The following RUNX2 variants were observed in gnomAD, a reference collection of about 807,000 sequenced individuals.
The protein encoded by RUNX2 is RUNX family transcription factor 2, also known as runt-related transcription factor 2.
RUNX2 carries 10 observed loss-of-function variants against 51.7 expected under a neutral mutation model. That is an observed-to-expected ratio of 0.19 (90% CI 0.12 to 0.33). The LOEUF is 0.33. Ranked by LOEUF, RUNX2 falls within the 10% of genes least tolerant of loss-of-function variation. RUNX2 has a pLI of 1.00. For synonymous variants in RUNX2, 276 were observed against 273.6 expected, an observed-to-expected ratio of 1.01 and a Z score of -0.09; for missense variants, 562 against 691.3, an observed-to-expected ratio of 0.81 and a Z score of 2.10.
chr6:45,472,840 G>T (rs1799845459), intron 5 of RUNX2, among the ~76,000 whole-genome samples: 1 of 152,178 alleles, frequency 6.6e-6, no homozygotes, highest in African/African-American at 2.4e-5. Context: ...AGAAAGCAAA[G>T]ATCTTATGGG....
In RUNX2 at chr6:45,479,779, T is replaced by C. The variant is rs556867947; in HGVS notation, c.686-12162T>C. Among the ~76,000 whole-genome samples the C allele has an allele frequency of 5.8e-4, 88 of 152,336 alleles. 1 individual carries two copies. Among genetic ancestry groups the C allele is most frequent in the Admixed American group, 3.7e-3 (56 of 15,304 alleles). ...ATGTAATCGCTCGAAGGATGTTTTT[T>C]AATATTAACCCACACCAACCTGCTT... On this transcript the variant is annotated intron_variant, in intron 5 of 8. Transcript: ENST00000647337.
intron 5 of RUNX2, among the ~76,000 whole-genome samples, chr6:45,463,587 G>A (rs1337203361): frequency 2.0e-5 from 3 of 152,098 alleles, no homozygotes; most frequent in African/African-American, 7.2e-5. Flanking sequence ...ATAATGTAAA[G>A]CAAAGAAATC....
At chr6:45,343,081 AC>A (rs1246498217) in intron 2 of RUNX2, among the ~76,000 whole-genome samples, 1 of 152,208 alleles carries the variant, frequency 6.6e-6, no homozygotes, top group African/African-American at 2.4e-5. Flanking sequence ...AAGTGTCTAC[AC>A]TGATCTGACA....
chr6:45,471,599 C>A (rs1799806122), intron 5 of RUNX2, among the ~76,000 whole-genome samples: 1 of 152,026 alleles, frequency 6.6e-6, no homozygotes, highest in Non-Finnish European at 1.5e-5. Flanking sequence ...CGCCCACCAC[C>A]ACGCCCAGCT....
In RUNX2 at chr6:45,527,646, A is replaced by T. The variant is rs867872443; in HGVS notation, c.1021+15239A>T. On this transcript the variant is annotated intron_variant, in intron 7 of 8. Coordinates refer to ENST00000647337, the MANE Select transcript of RUNX2 (RefSeq NM_001024630.4). ...TACACCCTAAGTGAAGTGGTAATTC[A>T]GGAGTTACTTGATTTATTAAACAAA... Among the ~76,000 whole-genome samples the T allele has an allele frequency of 2.0e-5, 3 of 152,254 alleles. No individual in the cohort carries two copies. In the South Asian group the frequency reaches 6.2e-4, roughly 31 times the overall value.
intron 3 of RUNX2, among the ~76,000 whole-genome samples, chr6:45,424,332 G>C (rs141235123): frequency 6.6e-6 from 1 of 152,370 alleles, no homozygotes; most frequent in Non-Finnish European, 1.5e-5. Context: ...TGGGTTGATG[G>C]GGAAACGGGT....
chr6:45,505,459 A>T (rs7768227), intron 6 of RUNX2, among the ~76,000 whole-genome samples: 171 of 149,444 alleles, frequency 1.1e-3, no homozygotes, highest in African/African-American at 4.1e-3. Flanking sequence ...CTTTTTAGTC[A>T]TTTGAAAGTA....
chr6:45,445,543 C>T (rs913180312), intron 5 of RUNX2, among the ~76,000 whole-genome samples: 1 of 152,124 alleles, frequency 6.6e-6, no homozygotes, highest in Non-Finnish European at 1.5e-5. Context: ...GGTTTTAGTC[C>T]TTAGCACAAA....
At chr6:45,407,237 G>A (rs1797855409) in intron 2 of RUNX2, among the ~76,000 whole-genome samples, 1 of 151,890 alleles carries the variant, frequency 6.6e-6, no homozygotes, top group Non-Finnish European at 1.5e-5. Flanking sequence ...CCAAGTAGCT[G>A]GCACCACAGG....
chr6:45,495,843 C>G (rs1282742805), intron 6 of RUNX2, among the ~76,000 whole-genome samples: 1 of 152,214 alleles, frequency 6.6e-6, no homozygotes, highest in Non-Finnish European at 1.5e-5. Context: ...AGGACCAAAA[C>G]TTCTAGCCAT....
At chr6:45,346,967 G>A (rs191458740) in intron 2 of RUNX2, among the ~76,000 whole-genome samples, 3 of 152,232 alleles carry the variant, frequency 2.0e-5, no homozygotes, top group East Asian at 1.9e-4. Flanking sequence ...GCAAAGGGAC[G>A]TGGTAACAGC....
intron 2 of RUNX2, among the ~76,000 whole-genome samples, chr6:45,370,912 A>T (rs1263875438): frequency 3.0e-4 from 45 of 152,104 alleles, no homozygotes; most frequent in Admixed American, 2.9e-3. Flanking sequence ...AGAAAAATTG[A>T]GTTTAAAAAA....
Position 45,547,189 on chromosome 6 carries a change from A to C in RUNX2, c.1450A>C (p.Asn484His), listed in dbSNP as rs1802428675. 1 of 1,614,052 alleles carries C rather than the reference A, an allele frequency of 6.2e-7. No individual in the cohort carries two copies. The highest frequency in any genetic ancestry group is 1.7e-5 in the Admixed American group (1 of 59,998). The change falls in exon 9 of 9, where the codon AAT becomes CAT. Residue 484 changes from asparagine to histidine, a missense_variant. This residue lies in a region of RUNX2 where 304 missense variants were observed against 353.2 expected (regional missense o/e 0.86). Transcript: ENST00000647337. ...CACCTCGAATGGCAGCACGCTATTA[A>C]ATCCAAATTTGCCTAACCAGAATGA... ...TTTSNGSTLL[N>H]PNLPNQNDGV...
intron 2 of RUNX2, among the ~76,000 whole-genome samples, chr6:45,358,319 C>CA (rs1793606483): frequency 6.6e-6 from 1 of 152,172 alleles, no homozygotes; most frequent in African/African-American, 2.4e-5. Flanking sequence ...TTCAGTTGCT[C>CA]AGCTGCCTGG....
chr6:45,451,385 T>C (rs1241701618), intron 5 of RUNX2, among the ~76,000 whole-genome samples: 1 of 152,250 alleles, frequency 6.6e-6, no homozygotes, highest in Non-Finnish European at 1.5e-5. Flanking sequence ...CTTAGGACTA[T>C]GTATCATGCA....
chr6:45,486,736 T>C (rs1164000937), intron 5 of RUNX2, among the ~76,000 whole-genome samples: 1 of 152,182 alleles, frequency 6.6e-6, no homozygotes, highest in Non-Finnish European at 1.5e-5. Flanking sequence ...GTGGATATAA[T>C]ACAGAGAATG....
chr6:45,528,126 C>T (rs536742235), intron 7 of RUNX2, among the ~76,000 whole-genome samples: 217 of 152,214 alleles, frequency 1.4e-3, no homozygotes, highest in African/African-American at 3.9e-3. Context: ...TTCACTATCA[C>T]GAGAACAGTA....
chr6:45,354,623 GCACACATACACACACACACACACA>G (rs1792768430), intron 2 of RUNX2, among the ~76,000 whole-genome samples: 1 of 100,726 alleles, frequency 9.9e-6, no homozygotes, highest in Non-Finnish European at 2.1e-5. Context: ...ACAAATGCAC[GCACACATACACACACACACACACA>G]CACACAGTCT....
chr6:45,512,348 T>C lies in RUNX2; in HGVS notation c.962T>C (p.Leu321Pro). ...TSPSIHSTTP[L>P]SSTRGTGLPA... The stretch of plus-strand genomic sequence containing the variant: ...CCGTCCATCCACTCTACCACCCCGC[T>C]GTCTTCCACACGGGGCACTGGGCTT... Residue 321 changes from leucine (L) to proline (P), a missense_variant, in exon 7 of 9, where the codon CTG (leucine) becomes CCG (proline). This residue lies in a region of RUNX2 where 304 missense variants were observed against 353.2 expected (regional missense o/e 0.86). Transcript: ENST00000647337. The C allele has an allele frequency of 6.2e-7, 1 of 1,614,124 alleles. No homozygotes were observed. The highest frequency in any genetic ancestry group is 8.5e-7 in the Non-Finnish European group (1 of 1,179,980).
Sources: gnomAD v4.1 joint callset for allele counts (sites outside exome capture counted in the v4.1 genomes callset) on GRCh38, gnomAD v4.1.1 for gene constraint, gnomAD v4.1.1 regional missense constraint, MANE v1.5 for transcripts, NCBI Gene and HGNC (gene_info 2026-07-23, HGNC 2026-07-21) for gene names.